The following CUL3 variants were observed in gnomAD, a reference collection of about 807,000 sequenced individuals.
The protein encoded by CUL3 is cullin 3.
A neutral mutation model predicts 89.1 loss-of-function variants in CUL3; 19 were observed. The ratio of observed to expected loss-of-function variants is 0.21; its 90% CI spans 0.15 to 0.31. CUL3 has a LOEUF of 0.31. Ranked by LOEUF, CUL3 falls within the 10% of genes least tolerant of loss-of-function variation. The pLI, the probability that CUL3 is intolerant of heterozygous loss-of-function variation, is 1.00. For synonymous variants in CUL3, 351 were observed against 308.4 expected, an observed-to-expected ratio of 1.14 and a Z score of -1.45; for missense variants, 469 against 942.3, an observed-to-expected ratio of 0.50 and a Z score of 6.58.
intron 3 of CUL3, among the ~76,000 whole-genome samples, chr2:224,525,571 T>C (rs1243072020): frequency 1.3e-5 from 2 of 152,238 alleles, no homozygotes; most frequent in African/African-American, 4.8e-5. Flanking sequence ...TTTTGTTTTA[T>C]TGATCTCCTA....
chr2:224,537,655 T>C (rs1693944921), intron 2 of CUL3, among the ~76,000 whole-genome samples: 1 of 152,116 alleles, frequency 6.6e-6, no homozygotes, highest in Non-Finnish European at 1.5e-5. Flanking sequence ...AGCAATTAAA[T>C]TAAAATCATG....
chr2:224,520,071 G>T (rs1415264720), intron 3 of CUL3, among the ~76,000 whole-genome samples: 1 of 152,084 alleles, frequency 6.6e-6, no homozygotes, highest in Non-Finnish European at 1.5e-5. Context: ...ATAGAAAGTT[G>T]GTGGCTTTTT....
At chr2:224,575,729 G>C (rs1156888484) in intron 1 of CUL3, among the ~76,000 whole-genome samples, 1 of 152,142 alleles carries the variant, frequency 6.6e-6, no homozygotes. Context: ...GAACAGACAA[G>C]ACACTAAGTG....
Position 224,497,866 on chromosome 2 carries a change from C to G in CUL3, c.1611-17G>C, listed in dbSNP as rs535642908. On this transcript the variant is annotated splice_polypyrimidine_tract_variant and intron_variant, in intron 11 of 15. Coordinates refer to ENST00000264414, the MANE Select transcript of CUL3 (RefSeq NM_003590.5). ...AAGTAGAACCTTCAGTAAATCAAACCAGGTTTTAGAAAATCAAACAAACTT... is the reference window on the plus strand; with the variant it reads ...AAGTAGAACCTTCAGTAAATCAAACGAGGTTTTAGAAAATCAAACAAACTT... 2 of 1,595,724 alleles carry G rather than the reference C, an allele frequency of 1.3e-6. No homozygotes were observed. Among genetic ancestry groups the G allele is most frequent in the African/African-American group, 2.7e-5 (2 of 74,534 alleles).
At chr2:224,574,600 A>G (rs1695258433) in intron 1 of CUL3, among the ~76,000 whole-genome samples, 1 of 152,220 alleles carries the variant, frequency 6.6e-6, no homozygotes, top group South Asian at 2.1e-4. Context: ...AAAGATTTCT[A>G]CTTAACACTT....
intron 2 of CUL3, among the ~76,000 whole-genome samples, chr2:224,546,374 T>C (rs1694299374): frequency 6.6e-6 from 1 of 152,046 alleles, no homozygotes; most frequent in Non-Finnish European, 1.5e-5. Context: ...CAGAAGCATA[T>C]AGCCCGATAA....
chr2:224,510,219 G>GTTTTT (rs1553522669), intron 6 of CUL3, among the ~76,000 whole-genome samples: 1 of 105,350 alleles, frequency 9.5e-6, no homozygotes, highest in Non-Finnish European at 2.1e-5. Context: ...GATGACTTCT[G>GTTTTT]TTTTTTTTTT....
At chr2:224,536,914 A>C (rs1353661272) in intron 2 of CUL3, among the ~76,000 whole-genome samples, 1 of 152,232 alleles carries the variant, frequency 6.6e-6, no homozygotes, top group Non-Finnish European at 1.5e-5. Context: ...CTTTGGGACT[A>C]TACTGCCAAC....
At chr2:224,582,225 C>T (rs936025970) in intron 1 of CUL3, among the ~76,000 whole-genome samples, 11 of 152,314 alleles carry the variant, frequency 7.2e-5, no homozygotes, top group African/African-American at 2.6e-4. Context: ...CCTCGGCCTC[C>T]CAAAGTGCTG....
chr2:224,553,399 A>AT (rs370008086), intron 2 of CUL3, among the ~76,000 whole-genome samples: 157 of 152,380 alleles, frequency 1.0e-3, no homozygotes, highest in African/African-American at 3.6e-3. Flanking sequence ...GGCAATGATC[A>AT]TTAATGACTA....
intron 3 of CUL3, among the ~76,000 whole-genome samples, chr2:224,521,302 C>G (rs184404635): frequency 6.6e-6 from 1 of 152,162 alleles, no homozygotes; most frequent in African/African-American, 2.4e-5. Flanking sequence ...AATTCTAAAA[C>G]TAACCTTTGG....
At chr2:224,554,134 GT>G (rs1277696848) in intron 2 of CUL3, among the ~76,000 whole-genome samples, 2 of 151,924 alleles carry the variant, frequency 1.3e-5, no homozygotes, top group Non-Finnish European at 2.9e-5. Flanking sequence ...AACTACTGAT[GT>G]TTTTTTCTGC....
At chr2:224,514,406 G>C (rs1281175607) in intron 4 of CUL3, among the ~76,000 whole-genome samples, 2 of 152,132 alleles carry the variant, frequency 1.3e-5, no homozygotes, top group African/African-American at 4.8e-5. Flanking sequence ...TAAAAGCTTA[G>C]GATAGTCTCT....
intron 14 of CUL3, among the ~76,000 whole-genome samples, chr2:224,480,364 T>A (rs949260841): frequency 1.3e-5 from 2 of 152,180 alleles, no homozygotes; most frequent in African/African-American, 4.8e-5. Context: ...AAATTTTGAC[T>A]TAAACTATGA....
At chr2:224,487,261 A>G (rs1326270753) in intron 13 of CUL3, among the ~76,000 whole-genome samples, 2 of 152,168 alleles carry the variant, frequency 1.3e-5, no homozygotes, top group African/African-American at 4.8e-5. Flanking sequence ...GAATTCACAC[A>G]TAACAATATT....
intron 4 of CUL3, 49 bp downstream of exon 4, chr2:224,514,563 G>A (rs373097864): frequency 6.8e-7 from 1 of 1,466,260 alleles, no homozygotes; most frequent in East Asian, 2.3e-5. Context: ...TCGTTCTCAA[G>A]ATATAATCAC....
At chr2:224,550,593 T>C (rs1334306718) in intron 2 of CUL3, among the ~76,000 whole-genome samples, 1 of 152,168 alleles carries the variant, frequency 6.6e-6, no homozygotes, top group Admixed American at 6.5e-5. Flanking sequence ...CCCCACCGTA[T>C]CAGAAAATTA....
chr2:224,496,818 A>C (rs1174977077), intron 12 of CUL3, among the ~76,000 whole-genome samples: 1 of 152,176 alleles, frequency 6.6e-6, no homozygotes, highest in Admixed American at 6.5e-5. Context: ...CATATGTTTT[A>C]AAAATCTACT....
intron 13 of CUL3, among the ~76,000 whole-genome samples, chr2:224,483,215 T>C (rs1363922896): frequency 6.6e-6 from 1 of 152,216 alleles, no homozygotes; most frequent in Non-Finnish European, 1.5e-5. Flanking sequence ...ATGCTAAAAG[T>C]GATTTATTTA....
Sources: allele counts gnomAD v4.1 joint callset (sites outside exome capture counted in the v4.1 genomes callset), GRCh38; gene constraint gnomAD v4.1.1; transcripts MANE v1.5; gene names NCBI Gene and HGNC (gene_info 2026-07-23, HGNC 2026-07-21).